TMEM63C: variants seen among roughly 807,000 people sequenced by gnomAD.
TMEM63C encodes the protein osmosensitive cation channel TMEM63C.
A neutral mutation model predicts 99.2 loss-of-function variants in TMEM63C; 32 were observed. The ratio of observed to expected loss-of-function variants is 0.32; its 90% confidence interval spans 0.24 to 0.43. The LOEUF (loss-of-function observed/expected upper bound fraction) is 0.43, where lower values mean the gene tolerates loss of function less well. Ranked by LOEUF, TMEM63C falls within the 20% of genes least tolerant of loss-of-function variation. The probability of loss-of-function intolerance (pLI) is 1.00; values close to 1 mark genes in which losing one functional copy is unlikely to be tolerated. For missense variants in TMEM63C, 826 were observed against 1,053.0 expected, an observed-to-expected ratio of 0.78 and a Z score of 2.98; for synonymous variants, 376 against 397.9, an observed-to-expected ratio of 0.94 and a Z score of 0.66.
chr14:77,231,467 TAAA>T (rs11295791), intron 6 of TMEM63C, 118 bp from the exon 7 acceptor site: 1,154 of 961,916 alleles, frequency 1.2e-3, no homozygotes, highest in Non-Finnish European at 1.4e-3. Context: ...ATAGAGATAG[TAAA>T]AAAAAAAAAA....
chr14:77,234,803 C>G (rs532531941), intron 8 of TMEM63C, among the ~76,000 whole-genome samples: 1 of 152,180 alleles, frequency 6.6e-6, no homozygotes, highest in Non-Finnish European at 1.5e-5. Flanking sequence ...TCTCCTACCC[C>G]AGGGGCGGTG....
chr14:77,202,289 T>TACACAC (rs59017859), intron 1 of TMEM63C, among the ~76,000 whole-genome samples: 12,848 of 149,284 alleles, frequency 0.086, 553 homozygotes, highest in Admixed American at 0.11. Context: ...CATACTCAGA[T>TACACAC]ACACACACAC....
Position 77,256,893 on chromosome 14 carries a change from C to T in TMEM63C, c.*167C>T, listed in dbSNP as rs1889473042. ...CCATGGGCCATACGGGGGTCCTGAC[C>T]TGCTGCCCGGCTGGAACTGGGGGTG... On this transcript the variant is annotated 3_prime_UTR_variant, in exon 24 of 24. Transcript: ENST00000298351. 9.1e-6 allele frequency: 6 copies of T among 660,974 alleles called. No individual in the cohort carries two copies. Among genetic ancestry groups the T allele is most frequent in the Non-Finnish European group, 1.5e-5 (6 of 393,390 alleles). 40.9% of individuals were successfully genotyped at this position (660,974 alleles called of 1,614,324 possible).
At chr14:77,187,562 T>A (rs1888024162) in intron 1 of TMEM63C, among the ~76,000 whole-genome samples, 1 of 152,196 alleles carries the variant, frequency 6.6e-6, no homozygotes. Context: ...ATGCAGCTTG[T>A]GCTGCACGGA....
chr14:77,240,499 G>A lies in TMEM63C; in HGVS notation c.955G>A (p.Glu319Lys), dbSNP rs1371458896. 1.9e-6 allele frequency: 3 copies of A among 1,611,108 alleles called. No homozygotes were observed. The highest frequency in any genetic ancestry group is 2.2e-5 in the East Asian group (1 of 44,862). The change falls in exon 13 of 24, where the codon GAG (glutamate) becomes AAG (lysine). Residue 319 changes from glutamate (E) to lysine (K), a missense_variant. Transcript: ENST00000298351. Reference protein sequence around the residue: ...KEVDAEQYYSELEEQLTDEFN... With the variant: ...KEVDAEQYYSKLEEQLTDEFN... ...GGTGGATGCAGAGCAGTATTACAGC[G>A]AGCTAGAGGAGCAGCTAACGGACGA... is the stretch of plus-strand genomic sequence containing the variant.
At chr14:77,191,108 A>C (rs1470748163) in intron 1 of TMEM63C, among the ~76,000 whole-genome samples, 1 of 152,228 alleles carries the variant, frequency 6.6e-6, no homozygotes, top group African/African-American at 2.4e-5. Flanking sequence ...TAATGGAAGA[A>C]ATTGAAAATA....
intron 6 of TMEM63C, 119 bp from the exon 7 acceptor site, chr14:77,231,469 A>T (rs1888939066): frequency 2.3e-6 from 1 of 442,106 alleles, no homozygotes; most frequent in Non-Finnish European, 2.9e-6. Flanking sequence ...AGAGATAGTA[A>T]AAAAAAAAAA....
At chr14:77,253,241 T>G in intron 22 of TMEM63C, 64 bp from the exon 23 acceptor site, 3 of 1,499,966 alleles carry the variant, frequency 2.0e-6, no homozygotes, top group Non-Finnish European at 2.7e-6. Flanking sequence ...TTGAGGCTCC[T>G]CTGGATGAAT....
chr14:77,195,071 T>C (rs937557555), intron 1 of TMEM63C, among the ~76,000 whole-genome samples: 1 of 152,058 alleles, frequency 6.6e-6, no homozygotes, highest in South Asian at 2.1e-4. Flanking sequence ...CTTGGCAACA[T>C]AGTGAGACCC....
rs1463769168 is a variant in TMEM63C at position 77,248,346 on chromosome 14, G to A, written c.1602-1G>A. 6.2e-7 allele frequency: 1 copy of A among 1,607,888 alleles called. No individual in the cohort carries two copies. The highest frequency in any genetic ancestry group is 8.5e-7 in the Non-Finnish European group (1 of 1,177,506). On this transcript the variant is annotated splice_acceptor_variant, in intron 18 of 23. Coordinates refer to ENST00000298351, the MANE Select transcript of TMEM63C (RefSeq NM_020431.4). LOFTEE classifies it high-confidence loss of function. ...CACCTTCCCTCTCCCTCACTGCCCA[G>A]GTGTGTGTTCCTGCCAGACAACGGC...
At position 77,257,176 on chromosome 14, in the gene TMEM63C, C is replaced by T. The variant is rs1020533498; in HGVS notation, c.*450C>T. 9 of 169,564 alleles carry T rather than the reference C, an allele frequency of 5.3e-5. No homozygotes were observed. Among genetic ancestry groups the T allele is most frequent in the African/African-American group, 2.1e-4 (9 of 41,912 alleles). 10.5% of individuals were successfully genotyped at this position (169,564 alleles called of 1,614,324 possible). A position where few individuals can be genotyped will look rare whatever the true frequency, so the allele number is the denominator to read the frequency against. ...CCTCCCAGCCCCGGCCCATTCCTCC[C>T]CTGCAGTCTGAGGAGGCAAAGGTAT... On this transcript the variant is annotated 3_prime_UTR_variant, in exon 24 of 24. Transcript: ENST00000298351.
intron 7 of TMEM63C, among the ~76,000 whole-genome samples, chr14:77,232,073 G>T (rs180761212): frequency 6.6e-6 from 1 of 152,104 alleles, no homozygotes; most frequent in Non-Finnish European, 1.5e-5. Flanking sequence ...AACCCACTCT[G>T]TTGGACATAA....
intron 1 of TMEM63C, among the ~76,000 whole-genome samples, chr14:77,199,896 A>C (rs542086601): frequency 5.7e-4 from 87 of 152,272 alleles, no homozygotes; most frequent in African/African-American, 2.0e-3. Context: ...GCAAGAAAGG[A>C]GGGGAAACTA....
At chr14:77,224,596 A>G (rs1423868758) in intron 5 of TMEM63C, among the ~76,000 whole-genome samples, 1 of 151,366 alleles carries the variant, frequency 6.6e-6, no homozygotes, top group East Asian at 1.9e-4. Context: ...TCCAAAGATG[A>G]CTCTCTCTCT....
intron 1 of TMEM63C, chr14:77,196,180 A>G (rs1288691077): frequency 6.6e-6 from 1 of 152,498 alleles, no homozygotes; most frequent in East Asian, 1.9e-4. Flanking sequence ...GTCCTATTAC[A>G]GCCCAGAGGC....
chr14:77,226,914 C>T (rs1238779201), intron 6 of TMEM63C, among the ~76,000 whole-genome samples: 2 of 152,168 alleles, frequency 1.3e-5, no homozygotes, highest in South Asian at 2.1e-4. Flanking sequence ...ATTAGAGGCA[C>T]GTGCCACCAT....
At position 77,242,452 on chromosome 14, in the gene TMEM63C, C is replaced by A; in HGVS notation, c.1170C>A (p.His390Gln). 1 of 1,613,942 alleles carries A rather than the reference C, an allele frequency of 6.2e-7. No individual in the cohort carries two copies. The highest frequency in any genetic ancestry group is 8.5e-7 in the Non-Finnish European group (1 of 1,179,840). Residue 390 changes from histidine (H) to glutamine (Q), a missense_variant, in exon 14 of 24, where the codon CAC (histidine) becomes CAA (glutamine). Coordinates refer to ENST00000298351, the MANE Select transcript of TMEM63C (RefSeq NM_020431.4). The part of the protein sequence containing the change: ...SYYWRVTMAP[H>Q]PKDIIWKHLS... ...ACTGGAGGGTCACTATGGCCCCACA[C>A]CCCAAAGACATTATTTGGTAAGCCT...
intron 1 of TMEM63C, among the ~76,000 whole-genome samples, chr14:77,191,757 T>G (rs1249106024): frequency 6.6e-6 from 1 of 152,084 alleles, no homozygotes; most frequent in Non-Finnish European, 1.5e-5. Context: ...TTGGTCAGGC[T>G]GGTCTCGAAC....
intron 1 of TMEM63C, among the ~76,000 whole-genome samples, chr14:77,191,260 G>A (rs1267027094): frequency 3.9e-5 from 6 of 152,090 alleles, no homozygotes; most frequent in African/African-American, 1.2e-4. Context: ...ATGATGGAAC[G>A]GCTTCACAGA....
Sources: allele counts gnomAD v4.1 joint callset (sites outside exome capture counted in the v4.1 genomes callset), GRCh38; gene constraint gnomAD v4.1.1; transcripts MANE v1.5; gene names NCBI Gene and HGNC (gene_info 2026-07-23, HGNC 2026-07-21).